The following SGCZ variants were observed in gnomAD, a reference collection of about 807,000 sequenced individuals.
SGCZ encodes the protein zeta-sarcoglycan.
In SGCZ, 40 loss-of-function variants were observed where a neutral mutation model predicts 41.3. That is an observed-to-expected ratio of 0.97 (90% CI 0.75 to 1.26). The LOEUF is 1.26. Ranked by LOEUF, SGCZ falls within the 50% of genes most tolerant of loss-of-function variation. SGCZ has a pLI of 0.00. For synonymous variants in SGCZ, 206 were observed against 137.5 expected, an observed-to-expected ratio of 1.50 and a Z score of -3.49; for missense variants, 552 against 369.8, an observed-to-expected ratio of 1.49 and a Z score of -4.04.
intron 1 of SGCZ, among the ~76,000 whole-genome samples, chr8:15,072,832 C>A (rs776307702): frequency 9.2e-5 from 14 of 152,122 alleles, no homozygotes; most frequent in Admixed American, 2.0e-4. Flanking sequence ...TTAGTCCAAA[C>A]CCCCAAATGC....
intron 1 of SGCZ, among the ~76,000 whole-genome samples, chr8:14,603,305 G>C: frequency 6.6e-6 from 1 of 151,940 alleles, no homozygotes; most frequent in Non-Finnish European, 1.5e-5. Context: ...TTTATAATCA[G>C]GAAAACTGAA....
intron 5 of SGCZ, among the ~76,000 whole-genome samples, chr8:14,147,615 G>A (rs1447535177): frequency 6.6e-6 from 1 of 151,998 alleles, no homozygotes; most frequent in Non-Finnish European, 1.5e-5. Flanking sequence ...TACGATAACT[G>A]GAAACTTTAA....
intron 1 of SGCZ, among the ~76,000 whole-genome samples, chr8:14,880,256 C>A (rs1257881597): frequency 6.6e-6 from 1 of 152,116 alleles, no homozygotes; most frequent in Non-Finnish European, 1.5e-5. Flanking sequence ...CAATGAGATA[C>A]CATCTCACAC....
chr8:14,116,247 C>T (rs2117023587), intron 5 of SGCZ, among the ~76,000 whole-genome samples: 1 of 152,154 alleles, frequency 6.6e-6, no homozygotes. Flanking sequence ...GTATCAATAG[C>T]TTTATGAGCC....
intron 1 of SGCZ, among the ~76,000 whole-genome samples, chr8:14,964,553 C>G (rs978314823): frequency 6.6e-6 from 1 of 152,144 alleles, no homozygotes; most frequent in African/African-American, 2.4e-5. Flanking sequence ...CTGGAGAGGA[C>G]AGAAAGCAGG....
chr8:14,605,409 A>T (rs1805716933), intron 1 of SGCZ, among the ~76,000 whole-genome samples: 1 of 152,148 alleles, frequency 6.6e-6, no homozygotes, highest in South Asian at 2.1e-4. Flanking sequence ...GTTACCAACA[A>T]TCGAATTACA....
At chr8:14,761,878 G>A (rs539074103) in intron 1 of SGCZ, among the ~76,000 whole-genome samples, 17 of 152,144 alleles carry the variant, frequency 1.1e-4, no homozygotes, top group African/African-American at 3.6e-4. Context: ...GAACTCCCAA[G>A]GGCTAGAATT....
intron 1 of SGCZ, among the ~76,000 whole-genome samples, chr8:14,694,336 G>C (rs1208610377): frequency 6.6e-6 from 1 of 152,072 alleles, no homozygotes; most frequent in Non-Finnish European, 1.5e-5. Flanking sequence ...CTTTAATACA[G>C]GCAAAGAATC....
chr8:14,937,539 C>A (rs1800124358), intron 1 of SGCZ, among the ~76,000 whole-genome samples: 1 of 151,984 alleles, frequency 6.6e-6, no homozygotes, highest in African/African-American at 2.4e-5. Context: ...TTTGTTATAT[C>A]AGCCAAGGAA....
intron 1 of SGCZ, among the ~76,000 whole-genome samples, chr8:15,076,301 G>A (rs570108041): frequency 1.9e-4 from 29 of 152,238 alleles, no homozygotes; most frequent in Middle Eastern, 3.4e-3. Flanking sequence ...ATATGTGTTA[G>A]AGGTGATATG....
intron 1 of SGCZ, among the ~76,000 whole-genome samples, chr8:15,224,018 C>G (rs995594116): frequency 6.6e-6 from 1 of 152,100 alleles, no homozygotes; most frequent in Non-Finnish European, 1.5e-5. Flanking sequence ...CCACACCCAG[C>G]TAATTTTTTG....
At position 15,118,461 on chromosome 8, in the gene SGCZ, G is replaced by A. The variant is rs530199437; in HGVS notation, c.39+119124C>T. Among the ~76,000 whole-genome samples, 50 of 152,134 alleles carry A rather than the reference G, an allele frequency of 3.3e-4. 2 individuals are homozygous for A. In the South Asian group the frequency reaches 1.0e-2, roughly 30 times the overall value. ...CCCCAGAACTGCCTACTAAGCTTCT[G>A]GTTGGAAGGTCTAAGGTTGATCACT... On this transcript the variant is annotated intron_variant, in intron 1 of 7. Coordinates refer to ENST00000382080, the MANE Select transcript of SGCZ (RefSeq NM_139167.4).
At chr8:15,050,059 G>T (rs1041402972) in intron 1 of SGCZ, among the ~76,000 whole-genome samples, 1 of 152,128 alleles carries the variant, frequency 6.6e-6, no homozygotes, top group African/African-American at 2.4e-5. Context: ...TTTGGTGATG[G>T]CTGTGTAAAG....
chr8:14,568,223 G>C (rs190929930), intron 1 of SGCZ, among the ~76,000 whole-genome samples: 1 of 152,026 alleles, frequency 6.6e-6, no homozygotes, highest in Non-Finnish European at 1.5e-5. Context: ...TCACACACTG[G>C]GGCCTGTCCG....
intron 2 of SGCZ, among the ~76,000 whole-genome samples, chr8:14,547,669 C>T (rs1803672246): frequency 6.6e-6 from 1 of 152,214 alleles, no homozygotes; most frequent in East Asian, 1.9e-4. Flanking sequence ...CGAATATCTC[C>T]ATGAGATCAA....
At chr8:14,340,526 T>C (rs11985371) in intron 2 of SGCZ, among the ~76,000 whole-genome samples, 18,075 of 152,130 alleles carry the variant, frequency 0.12, 1,425 homozygotes, top group East Asian at 0.36. Flanking sequence ...GATAATGTCT[T>C]CCTTGTCTTT....
At chr8:15,140,144 T>C (rs1808268125) in intron 1 of SGCZ, among the ~76,000 whole-genome samples, 1 of 152,016 alleles carries the variant, frequency 6.6e-6, no homozygotes, top group South Asian at 2.1e-4. Context: ...TATCTTAGCC[T>C]CCTGAGTAGC....
intron 1 of SGCZ, among the ~76,000 whole-genome samples, chr8:15,084,955 G>T (rs1250523681): frequency 2.6e-5 from 4 of 152,112 alleles, no homozygotes; most frequent in Admixed American, 6.5e-5. Context: ...ATTAGCAATA[G>T]TCAGTATAAT....
intron 1 of SGCZ, among the ~76,000 whole-genome samples, chr8:15,052,153 G>T (rs1257780953): frequency 6.6e-6 from 1 of 152,136 alleles, no homozygotes; most frequent in Non-Finnish European, 1.5e-5. Flanking sequence ...AGGAGAGAAA[G>T]ATCAAGAGCA....
Sources: allele counts gnomAD v4.1 joint callset (sites outside exome capture counted in the v4.1 genomes callset), GRCh38; gene constraint gnomAD v4.1.1; transcripts MANE v1.5; gene names NCBI Gene and HGNC (gene_info 2026-07-23, HGNC 2026-07-21).